RNGTT: variants seen among roughly 807,000 people sequenced by gnomAD.
RNGTT encodes RNA guanylyltransferase and 5'-phosphatase.
Under a neutral mutation model 79.3 loss-of-function variants are expected in RNGTT, and 33 were observed. The observed-to-expected ratio is 0.42, with a 90% confidence interval of 0.32 to 0.56. The LOEUF (loss-of-function observed/expected upper bound fraction) is 0.56. RNGTT is among the 20% of genes least tolerant of loss of function. The pLI is 0.17. For missense variants in RNGTT, 497 were observed against 739.1 expected (o/e 0.67, Z 3.80); for synonymous variants, 222 against 235.9 (o/e 0.94, Z 0.54).
intron 8 of RNGTT, among the ~76,000 whole-genome samples, chr6:88,881,044 T>G (rs911527835): frequency 7.9e-5 from 12 of 151,402 alleles, no homozygotes; most frequent in African/African-American, 2.9e-4. Flanking sequence ...TAGAACTGAC[T>G]CCCCCCTCCT....
intron 13 of RNGTT, among the ~76,000 whole-genome samples, chr6:88,738,940 T>C (rs2127823881): frequency 6.6e-6 from 1 of 151,984 alleles, no homozygotes; most frequent in South Asian, 2.1e-4. Context: ...TATAAATAAT[T>C]ACTAAATTAA....
chr6:88,718,870 C>CA (rs563379437), intron 13 of RNGTT, among the ~76,000 whole-genome samples: 1 of 151,988 alleles, frequency 6.6e-6, no homozygotes, highest in Non-Finnish European at 1.5e-5. Context: ...ACAGAGTATC[C>CA]AAAACCAGAT....
At chr6:88,886,517 T>A (rs925477966) in intron 8 of RNGTT, among the ~76,000 whole-genome samples, 4 of 152,204 alleles carry the variant, frequency 2.6e-5, no homozygotes, top group African/African-American at 9.7e-5. Context: ...AGGAATCTGG[T>A]TAAGGGCACA....
intron 14 of RNGTT, among the ~76,000 whole-genome samples, chr6:88,631,115 T>C (rs1489067159): frequency 6.6e-6 from 1 of 152,204 alleles, no homozygotes; most frequent in Non-Finnish European, 1.5e-5. Flanking sequence ...ATGCCCCAAA[T>C]GGAGTTGTTA....
At chr6:88,932,551 C>T (rs989434309) in intron 2 of RNGTT, among the ~76,000 whole-genome samples, 1 of 152,108 alleles carries the variant, frequency 6.6e-6, no homozygotes. Context: ...ATGTGTCTCC[C>T]CTGGACACCC....
intron 13 of RNGTT, among the ~76,000 whole-genome samples, chr6:88,749,747 CCAAAACTTTCATAG>C (rs1777781309): frequency 6.6e-6 from 1 of 152,016 alleles, no homozygotes. Context: ...TATTAGTTTA[CCAAAACTTTCATAG>C]CAAACCACAA....
At chr6:88,758,247 G>C (rs9362553) in intron 13 of RNGTT, among the ~76,000 whole-genome samples, 21,083 of 152,100 alleles carry the variant, frequency 0.14, 1,597 homozygotes, top group Middle Eastern at 0.24. Flanking sequence ...TACAATTTTT[G>C]ATAAGAAATT....
In RNGTT at chr6:88,859,714, CAG is replaced by C. The variant is rs542241897; in HGVS notation, c.897-5952_897-5951del. On this transcript the variant is annotated intron_variant, in intron 8 of 15. Transcript: ENST00000369485. ...CTGAGAGGAAACAGCAAGACTGGTG[CAG>C]AGAGTGACAAAAGAAGTTGGAGAAT... Among the ~76,000 whole-genome samples the C allele has an allele frequency of 3.3e-3, 505 of 152,290 alleles. 7 individuals carry two copies. The highest frequency in any genetic ancestry group is 0.012 in the African/African-American group (486 of 41,560).
At chr6:88,957,683 A>G (rs1189536711) in intron 1 of RNGTT, among the ~76,000 whole-genome samples, 2 of 152,206 alleles carry the variant, frequency 1.3e-5, no homozygotes, top group Non-Finnish European at 2.9e-5. Flanking sequence ...AGGAGGTGAA[A>G]GATCTCTAAA....
At chr6:88,808,690 G>T (rs887188473) in intron 11 of RNGTT, among the ~76,000 whole-genome samples, 4 of 152,106 alleles carry the variant, frequency 2.6e-5, no homozygotes, top group African/African-American at 9.7e-5. Flanking sequence ...CAGGCAGATA[G>T]CTTGAGCCCA....
chr6:88,668,843 G>A (rs910856169), intron 14 of RNGTT, among the ~76,000 whole-genome samples: 7 of 152,138 alleles, frequency 4.6e-5, no homozygotes, highest in African/African-American at 1.7e-4. Flanking sequence ...GCTAGGGATG[G>A]GATGTGGTTC....
chr6:88,698,955 T>C (rs1333173485), intron 13 of RNGTT, among the ~76,000 whole-genome samples: 2 of 152,196 alleles, frequency 1.3e-5, no homozygotes, highest in Admixed American at 6.5e-5. Context: ...TGTTATGTAG[T>C]ACGCATAACT....
chr6:88,908,711 C>T lies in RNGTT; in HGVS notation c.368-2271G>A, dbSNP rs1189512908. 3.3e-5 allele frequency among the ~76,000 whole-genome samples: 5 copies of T among 152,212 alleles called. No individual in the cohort carries two copies. The South Asian group carries it at 1.0e-3, about 32-fold the overall frequency. The stretch of plus-strand genomic sequence containing the variant: ...AGCAAAACACCACCATAGGGCCCAT[C>T]CTCCAAGGCTCTCCAGCTTGTACTG... On this transcript the variant is annotated intron_variant, in intron 4 of 15. Coordinates refer to ENST00000369485, the MANE Select transcript of RNGTT (RefSeq NM_003800.5).
intron 10 of RNGTT, among the ~76,000 whole-genome samples, chr6:88,844,903 C>G (rs1781437811): frequency 6.6e-6 from 1 of 151,906 alleles, no homozygotes; most frequent in Non-Finnish European, 1.5e-5. Context: ...GCCTGGGCAA[C>G]AGAGCAAGAC....
chr6:88,958,284 G>GA (rs1562091130), intron 1 of RNGTT, among the ~76,000 whole-genome samples: 1 of 152,012 alleles, frequency 6.6e-6, no homozygotes. Context: ...GATAACATTG[G>GA]AAAAAACTCT....
At chr6:88,820,554 G>A (rs1262447591) in intron 11 of RNGTT, among the ~76,000 whole-genome samples, 1 of 152,072 alleles carries the variant, frequency 6.6e-6, no homozygotes, top group Non-Finnish European at 1.5e-5. Flanking sequence ...AAAAACTCCT[G>A]GAACTAATAA....
At chr6:88,880,260 C>A (rs899198550) in intron 8 of RNGTT, among the ~76,000 whole-genome samples, 13 of 152,082 alleles carry the variant, frequency 8.5e-5, no homozygotes, top group Non-Finnish European at 1.8e-4. Context: ...ATTCCCAGAC[C>A]AGGATGCAGG....
intron 13 of RNGTT, among the ~76,000 whole-genome samples, chr6:88,680,734 C>A (rs1176273740): frequency 6.9e-6 from 1 of 144,184 alleles, no homozygotes; most frequent in Admixed American, 7.0e-5. Flanking sequence ...AAGAGCAAAA[C>A]TCTATCTCAA....
chr6:88,715,566 T>C (rs1018279869), intron 13 of RNGTT, among the ~76,000 whole-genome samples: 6 of 152,182 alleles, frequency 3.9e-5, no homozygotes, highest in Non-Finnish European at 5.9e-5. Context: ...CTTCAAACCA[T>C]GTTACAAGGC....
Sources: allele counts gnomAD v4.1 joint callset (sites outside exome capture counted in the v4.1 genomes callset), GRCh38; gene constraint gnomAD v4.1.1; transcripts MANE v1.5; gene names NCBI Gene and HGNC (gene_info 2026-07-23, HGNC 2026-07-21).